Variants in KLHL41 observed in about 807,000 individuals in gnomAD.
KLHL41 encodes kelch-like protein 41.
Under a neutral mutation model 49.2 loss-of-function variants are expected in KLHL41, and 31 were observed. The observed-to-expected ratio is 0.63, with a 90% CI of 0.47 to 0.85. The LOEUF is 0.85. Ranked by LOEUF, KLHL41 falls within the 40% of genes least tolerant of loss-of-function variation. The pLI, the probability that KLHL41 is intolerant of heterozygous loss-of-function variation, is 0.00. For missense variants in KLHL41, 663 were observed against 726.7 expected (o/e 0.91, Z 1.01); for synonymous variants, 218 against 258.5 (o/e 0.84, Z 1.50).
In KLHL41 at chr2:169,510,439, T is replaced by C; in HGVS notation, c.661T>C (p.Cys221Arg). 6.2e-7 allele frequency: 1 copy of C among 1,614,132 alleles called. No homozygotes were observed. Among genetic ancestry groups the C allele is most frequent in the South Asian group, 1.1e-5 (1 of 91,080 alleles). Residue 221 changes from cysteine (C) to arginine (R), a missense_variant, in exon 1 of 6, where the codon TGT becomes CGT. Physicochemically the swap from Cys to Arg is radical, Grantham distance 180. Coordinates refer to ENST00000284669, the MANE Select transcript of KLHL41 (RefSeq NM_006063.3). This position sits in a 1 kb window ranked among gnomAD's most constrained non-coding sequence, Gnocchi z 4.2. ...RVKNLSEVFD[C>R]IRFRLMTEKY... ...TAAAAACCTTAGTGAAGTGTTTGATTGTATCCGTTTTCGCCTTATGACAGA... is the reference window on the plus strand; with the variant it reads ...TAAAAACCTTAGTGAAGTGTTTGATCGTATCCGTTTTCGCCTTATGACAGA...
rs2105307831 is a variant in KLHL41, at chr2:169,509,944, C to T, written c.166C>T (p.Pro56Ser). Residue 56 changes from proline (P) to serine (S), a missense_variant, in exon 1 of 6, where the codon CCT becomes TCT. By Grantham distance (74) the Pro-to-Ser change is moderately conservative. Around this residue, in one of 3 missense-constraint regions of KLHL41, gnomAD observed 129 missense variants for 122.1 expected, o/e 1.06. Transcript: ENST00000284669. Reference protein sequence around the residue: ...CHRLILSACSPYFREYFLSEI... With the variant: ...CHRLILSACSSYFREYFLSEI... ...CAGATTGATTTTGTCAGCTTGTAGT[C>T]CTTACTTCCGTGAGTACTTTTTATC... is the stretch of plus-strand genomic sequence containing the variant. 1 of 1,614,116 alleles carries T rather than the reference C, an allele frequency of 6.2e-7. No homozygotes were observed. The highest frequency in any genetic ancestry group is 2.2e-5 in the East Asian group (1 of 44,884).
intron 4 of KLHL41, among the ~76,000 whole-genome samples, chr2:169,520,275 AGTGTGTGTGTGTGT>A (rs71003095): frequency 3.5e-5 from 2 of 56,900 alleles, no homozygotes; most frequent in East Asian, 7.5e-4. Flanking sequence ...CTCCTGCCTC[AGTGTGTGTGTGTGT>A]GTGTGTGTGT....
intron 2 of KLHL41, 44 bp downstream of exon 2, chr2:169,514,775 T>C: frequency 6.2e-7 from 1 of 1,601,328 alleles, no homozygotes; most frequent in African/African-American, 1.3e-5. Flanking sequence ...TTCAAGTATA[T>C]GCGTGCCTAC....
chr2:169,519,651 CTT>C (rs11384512), intron 4 of KLHL41, among the ~76,000 whole-genome samples: 17 of 138,462 alleles, frequency 1.2e-4, no homozygotes, highest in Non-Finnish European at 1.5e-4. Flanking sequence ...TTTTCTCAAA[CTT>C]TTTTTTTTTT....
At position 169,510,084 on chromosome 2, in the gene KLHL41, T is replaced by C; in HGVS notation, c.306T>C (p.Asn102=). ...CCAGTATTGATCTCAATGACGGAAA[T>C]GTGCAAGATATTTTTGCATTGGCCA... ...YSASIDLNDG[N]VQDIFALASR... Residue 102 remains asparagine (N), a synonymous_variant, in exon 1 of 6, where the codon AAT becomes AAC. Transcript: ENST00000284669. The surrounding 1 kb of genome is among the most constrained non-coding windows in gnomAD (Gnocchi z 4.2). 6.2e-7 allele frequency: 1 copy of C among 1,614,166 alleles called. No homozygotes were observed. Among genetic ancestry groups the C allele is most frequent in the Non-Finnish European group, 8.5e-7 (1 of 1,180,018 alleles).
intron 3 of KLHL41, among the ~76,000 whole-genome samples, chr2:169,515,936 A>T (rs1036301549): frequency 2.0e-5 from 3 of 152,146 alleles, no homozygotes; most frequent in Non-Finnish European, 2.9e-5. Flanking sequence ...TCATATATAA[A>T]CCTAACTTGA....
intron 3 of KLHL41, among the ~76,000 whole-genome samples, chr2:169,515,540 T>C (rs1409806063): frequency 6.6e-6 from 1 of 152,250 alleles, no homozygotes; most frequent in Non-Finnish European, 1.5e-5. Context: ...TGTATTTCAC[T>C]GATTTATAAT....
Position 169,518,205 on chromosome 2 carries a change from G to T in KLHL41, c.1392G>T (p.Arg464Ser), listed in dbSNP as rs745775130. ...GKTDDKKCTN[R>S]VFIFNPKKGD... ...CTGTTTACAGAAAATGTACAAACAG[G>T]GTGTTTATCTTCAACCCCAAAAAAG... Residue 464 changes from arginine to serine, a missense_variant, in exon 4 of 6, where the codon AGG becomes AGT. Arg to Ser is a moderately radical substitution (Grantham distance 110). Transcript: ENST00000284669. The T allele has an allele frequency of 4.3e-6, 7 of 1,611,896 alleles. No homozygotes were observed. In the African/African-American group the frequency reaches 6.7e-5, roughly 15 times the overall value.
intron 4 of KLHL41, among the ~76,000 whole-genome samples, chr2:169,519,685 G>C (rs1296075771): frequency 2.9e-5 from 4 of 137,328 alleles, no homozygotes; most frequent in African/African-American, 1.1e-4. Context: ...GGGTCTCACT[G>C]TGTCACACAG....
rs759670643 is a variant in KLHL41 at position 169,510,101 on chromosome 2, C to T, written c.323C>T (p.Ala108Val). 1.2e-6 allele frequency: 2 copies of T among 1,614,122 alleles called. No individual in the cohort carries two copies. The highest frequency in any genetic ancestry group is 8.5e-7 in the Non-Finnish European group (1 of 1,180,020). The change falls in exon 1 of 6, where the codon GCA becomes GTA. Residue 108 changes from alanine to valine, a missense_variant. Physicochemically the swap from Ala to Val is moderately conservative, Grantham distance 64 (BLOSUM62 0). Around this residue, in one of 3 missense-constraint regions of KLHL41, gnomAD observed 6 missense variants for 23.6 expected, o/e 0.25. Coordinates refer to ENST00000284669, the MANE Select transcript of KLHL41 (RefSeq NM_006063.3). This position sits in a 1 kb window ranked among gnomAD's most constrained non-coding sequence, Gnocchi z 4.2. ...GACGGAAATGTGCAAGATATTTTTG[C>T]ATTGGCCAGCCGCTTTCAGATCCCC... ...LNDGNVQDIFALASRFQIPSV... is the reference protein window; with the variant it reads ...LNDGNVQDIFVLASRFQIPSV...
At position 169,525,876 on chromosome 2, in the gene KLHL41, A is replaced by AGAG. The variant is rs1408734616; in HGVS notation, c.*181_*183dup. 1.7e-5 allele frequency: 7 copies of AGAG among 421,038 alleles called. No homozygotes were observed. The highest frequency in any genetic ancestry group is 1.2e-4 in the African/African-American group (6 of 49,308). The allele number at this position is 421,038 out of a possible 1,614,324, so 26.1% of individuals were successfully genotyped here. A position where few individuals can be genotyped will look rare whatever the true frequency, so the allele number is the denominator to read the frequency against. ...TCATTGACTCTTCAATGTAATGATCAGAGTTTAAAACCATTTTCTAATAAT... is the reference window on the plus strand; with the variant it reads ...TCATTGACTCTTCAATGTAATGATCAGAGGAGTTTAAAACCATTTTCTAATAAT... On this transcript the variant is annotated 3_prime_UTR_variant, in exon 6 of 6. Coordinates refer to ENST00000284669, the MANE Select transcript of KLHL41 (RefSeq NM_006063.3).
chr2:169,524,011 G>GT (rs1436756152), intron 5 of KLHL41, among the ~76,000 whole-genome samples: 1 of 144,224 alleles, frequency 6.9e-6, no homozygotes, highest in African/African-American at 2.9e-5. Context: ...CTTACTATAC[G>GT]TAAAAAAAAA....
In KLHL41 at chr2:169,510,291, T is replaced by C. The variant is rs751071985; in HGVS notation, c.513T>C (p.Phe171=). Residue 171 remains phenylalanine (F), a synonymous_variant, in exon 1 of 6, where the codon TTT becomes TTC. Transcript: ENST00000284669. This position sits in a 1 kb window ranked among gnomAD's most constrained non-coding sequence, Gnocchi z 4.2. The part of the protein sequence containing the change: ...RFVQICKEED[F]MQLSPQELIS... Reference sequence around the variant, plus strand: ...TACAGATTTGTAAGGAAGAGGACTTTATGCAACTGTCTCCACAGGAACTGA... The same window carrying C: ...TACAGATTTGTAAGGAAGAGGACTTCATGCAACTGTCTCCACAGGAACTGA... 6.2e-6 allele frequency: 10 copies of C among 1,614,122 alleles called. No individual in the cohort carries two copies. In the South Asian group the frequency reaches 7.7e-5, roughly 12 times the overall value.
chr2:169,522,480 G>T (rs1280142368), intron 5 of KLHL41, among the ~76,000 whole-genome samples: 1 of 152,062 alleles, frequency 6.6e-6, no homozygotes, highest in East Asian at 1.9e-4. Context: ...GAAGCAGTAG[G>T]AAAAAAGGAT....
At chr2:169,519,930 AG>A (rs1684172597) in intron 4 of KLHL41, among the ~76,000 whole-genome samples, 1 of 151,920 alleles carries the variant, frequency 6.6e-6, no homozygotes, top group South Asian at 2.1e-4. Flanking sequence ...TATTTAATGA[AG>A]TTACATCTTT....
At chr2:169,518,140 G>C (rs755289061) in intron 3 of KLHL41, 50 bp from the exon 4 acceptor site, 3 of 1,336,272 alleles carry the variant, frequency 2.2e-6, no homozygotes, top group South Asian at 1.3e-5. Flanking sequence ...ATTAGTGAAG[G>C]TGCTGTCAAA....
chr2:169,512,137 T>G (rs945330383), intron 1 of KLHL41, among the ~76,000 whole-genome samples: 3 of 152,222 alleles, frequency 2.0e-5, no homozygotes, highest in African/African-American at 7.2e-5. Flanking sequence ...TATTATACCT[T>G]TAATCAACTT....
Position 169,510,641 on chromosome 2 carries a change from T to G in KLHL41, c.863T>G (p.Leu288Arg), listed in dbSNP as rs139415849. 7.7e-3 allele frequency: 12,376 copies of G among 1,614,174 alleles called. 93 individuals carry two copies. Among genetic ancestry groups the G allele is most frequent in the Non-Finnish European group, 9.2e-3 (10,878 of 1,180,018 alleles). The part of the protein sequence containing the change: ...VNGDVGDEDL[L>R]PGYLNDIPRH... ...GGTGATGTTGGTGATGAAGATTTAC[T>G]TCCTGGTTACCTGAATGACATTCCC... Residue 288 changes from leucine to arginine, a missense_variant, in exon 1 of 6, where the codon CTT (leucine) becomes CGT (arginine). Around this residue, in one of 3 missense-constraint regions of KLHL41, gnomAD observed 528 missense variants for 581.0 expected, o/e 0.91. Coordinates refer to ENST00000284669, the MANE Select transcript of KLHL41 (RefSeq NM_006063.3). The surrounding 1 kb of genome is among the most constrained non-coding windows in gnomAD (Gnocchi z 4.2).
intron 3 of KLHL41, among the ~76,000 whole-genome samples, chr2:169,515,789 T>C (rs1684107660): frequency 6.6e-6 from 1 of 152,068 alleles, no homozygotes; most frequent in Admixed American, 6.5e-5. Context: ...AACAAAAAAT[T>C]AAGGCAATTA....
Sources: gnomAD v4.1 joint callset for allele counts (sites outside exome capture counted in the v4.1 genomes callset) on GRCh38, gnomAD v4.1.1 for gene constraint, gnomAD v4.1.1 regional missense constraint, Gnocchi (gnomAD v3.1) non-coding constraint, MANE v1.5 for transcripts, NCBI Gene and HGNC (gene_info 2026-07-23, HGNC 2026-07-21) for gene names.